The following SNAPC3 variants were observed in gnomAD, a reference collection of about 807,000 sequenced individuals.
SNAPC3 encodes the protein snRNA-activating protein complex subunit 3.
SNAPC3 carries 56 observed loss-of-function variants against 47.7 expected under a neutral mutation model. The ratio of observed to expected loss-of-function variants is 1.18; its 90% CI spans 0.95 to 1.47. SNAPC3 has a LOEUF of 1.47. Ranked by LOEUF, SNAPC3 falls within the 40% of genes most tolerant of loss-of-function variation. The probability of loss-of-function intolerance (pLI) is 0.00; values close to 1 mark genes in which losing one functional copy is unlikely to be tolerated. For missense variants in SNAPC3, 665 were observed against 511.3 expected (o/e 1.30, Z -2.90); for synonymous variants, 235 against 189.9 (o/e 1.24, Z -1.95).
downstream of SNAPC3, chr9:15,464,339 A>G (rs1057384353): frequency 1.5e-5 from 3 of 193,632 alleles, no homozygotes; most frequent in East Asian, 2.4e-4. Context: ...CCATATTCAT[A>G]TAATTTCAAA....
chr9:15,460,051 T>A lies in SNAPC3; in HGVS notation c.*185T>A, dbSNP rs1260633975. ...GTATTTAAATGTTTATAACATAGTT[T>A]AATTTTATATTTATTCCAGATAGTA... On this transcript the variant is annotated 3_prime_UTR_variant, in exon 9 of 9. Transcript: ENST00000380821. 2.3e-6 allele frequency: 1 copy of A among 431,254 alleles called. No homozygotes were observed. The highest frequency in any genetic ancestry group is 4.2e-5 in the Admixed American group (1 of 23,856). 26.7% of individuals were successfully genotyped at this position (431,254 alleles called of 1,614,324 possible). A position where few individuals can be genotyped will look rare whatever the true frequency, so the allele number is the denominator to read the frequency against.
intron 6 of SNAPC3, among the ~76,000 whole-genome samples, chr9:15,452,643 T>C (rs1252367162): frequency 2.0e-5 from 3 of 152,222 alleles, no homozygotes; most frequent in African/African-American, 7.2e-5. Flanking sequence ...CTATAAATAA[T>C]TGAAGACCCC....
At position 15,459,700 on chromosome 9, in the gene SNAPC3, CTTT is replaced by C. The variant is rs754809130; in HGVS notation, c.1089-14_1089-12del. The stretch of plus-strand genomic sequence containing the variant: ...CAAATTTGATTGTAATGATGTACTT[CTTT>C]TTTTAAAAACTACAGATGGGTGACG... On this transcript the variant is annotated splice_polypyrimidine_tract_variant and intron_variant, in intron 8 of 8. Coordinates refer to ENST00000380821, the MANE Select transcript of SNAPC3 (RefSeq NM_001039697.2). 34 of 1,607,530 alleles carry C rather than the reference CTTT, an allele frequency of 2.1e-5. No individual in the cohort carries two copies. In the African/African-American group the frequency reaches 3.8e-4, roughly 18 times the overall value.
intron 2 of SNAPC3, among the ~76,000 whole-genome samples, chr9:15,432,891 C>T (rs1168747544): frequency 1.3e-5 from 2 of 152,128 alleles, no homozygotes; most frequent in East Asian, 3.8e-4. Context: ...ACAAGATTTG[C>T]ATAGTGTCAA....
intron 5 of SNAPC3, among the ~76,000 whole-genome samples, chr9:15,449,549 ATATATATATATATATTT>A (rs1330881836): frequency 3.3e-3 from 119 of 35,930 alleles, no homozygotes; most frequent in African/African-American, 0.013. Context: ...ATATATATAT[ATATATATATATATATTT>A]TTTTTTTTTT....
intron 3 of SNAPC3, among the ~76,000 whole-genome samples, chr9:15,435,389 A>C (rs2032666291): frequency 6.6e-6 from 1 of 152,160 alleles, no homozygotes. Context: ...CCTGACCAAC[A>C]TGGCGAAACC....
chr9:15,445,241 T>C (rs752141277), intron 4 of SNAPC3, among the ~76,000 whole-genome samples: 22 of 152,246 alleles, frequency 1.4e-4, no homozygotes, highest in Admixed American at 6.5e-5. Flanking sequence ...AGGTATAGTA[T>C]TGAAATATAT....
intron 5 of SNAPC3, among the ~76,000 whole-genome samples, chr9:15,450,418 T>C (rs1013809589): frequency 6.6e-6 from 1 of 152,136 alleles, no homozygotes; most frequent in Admixed American, 6.5e-5. Flanking sequence ...CTGAAACATA[T>C]CTCCTATACA....
At position 15,426,143 on chromosome 9, in the gene SNAPC3, C is replaced by T. The variant is rs570355690; in HGVS notation, c.392+2157C>T. On this transcript the variant is annotated intron_variant, in intron 2 of 8. Transcript: ENST00000380821. ...TGTTGGGATTACAGATATGAGCCAC[C>T]GCACCTGGCCCGACCTTGCTGATTT... Among the ~76,000 whole-genome samples, 8 of 152,274 alleles carry T rather than the reference C, an allele frequency of 5.3e-5. No individual in the cohort carries two copies. The South Asian group carries it at 1.5e-3, about 28-fold the overall frequency.
intron 7 of SNAPC3, chr9:15,453,435 A>G (rs953265769): frequency 5.9e-5 from 23 of 392,708 alleles, no homozygotes; most frequent in African/African-American, 1.0e-4. Context: ...ATACTTTACT[A>G]TTAGACGGTT....
At chr9:15,436,500 C>T (rs374049558) in intron 3 of SNAPC3, among the ~76,000 whole-genome samples, 6 of 152,086 alleles carry the variant, frequency 3.9e-5, no homozygotes, top group African/African-American at 1.2e-4. Flanking sequence ...TACATTCTAT[C>T]GGTCTAGATT....
chr9:15,428,840 G>T (rs1047403514), intron 2 of SNAPC3, among the ~76,000 whole-genome samples: 1 of 152,038 alleles, frequency 6.6e-6, no homozygotes, highest in East Asian at 1.9e-4. Context: ...AGATGAATCC[G>T]AGAAAGTAGG....
downstream of SNAPC3, chr9:15,463,331 TCTC>T (rs1412710444): frequency 4.1e-5 from 6 of 146,934 alleles, no homozygotes; most frequent in Admixed American, 4.3e-4. Flanking sequence ...TTCAAGCAAT[TCTC>T]CTGCCTCAGC....
At chr9:15,465,429 G>T, downstream of SNAPC3, 1 of 1,157,822 alleles carries the variant, frequency 8.6e-7, no homozygotes, top group Non-Finnish European at 1.2e-6. Flanking sequence ...TCAAACCTAT[G>T]CTTATAAAAA....
At chr9:15,440,948 C>CTAAAAA (rs2033286423) in intron 3 of SNAPC3, among the ~76,000 whole-genome samples, 1 of 121,662 alleles carries the variant, frequency 8.2e-6, no homozygotes, top group African/African-American at 3.2e-5. Context: ...GACTCCGTCT[C>CTAAAAA]AAAAAAAAAA....
At chr9:15,426,018 C>T (rs535099831) in intron 2 of SNAPC3, among the ~76,000 whole-genome samples, 21 of 152,268 alleles carry the variant, frequency 1.4e-4, no homozygotes, top group Non-Finnish European at 2.1e-4. Context: ...TGTGCCACCA[C>T]GCTTAATTTT....
chr9:15,422,969 A>G lies in SNAPC3; in HGVS notation c.90A>G (p.Pro30=). Residue 30 remains proline, a synonymous_variant, in exon 1 of 9, where the codon CCA becomes CCG. Coordinates refer to ENST00000380821, the MANE Select transcript of SNAPC3 (RefSeq NM_001039697.2). ...CCGGCAGTGGCGGCTGCAACTTTCC[A>G]GAGTATGAGCTTCCCGAGCTAAATA... ...PVSGSGGCNF[P]EYELPELNTR... 6.5e-7 allele frequency: 1 copy of G among 1,541,354 alleles called. No individual in the cohort carries two copies. Among genetic ancestry groups the G allele is most frequent in the South Asian group, 1.2e-5 (1 of 82,556 alleles).
At chr9:15,424,902 C>G (rs959543661) in intron 2 of SNAPC3, among the ~76,000 whole-genome samples, 2 of 152,332 alleles carry the variant, frequency 1.3e-5, no homozygotes, top group Non-Finnish European at 2.9e-5. Context: ...CCCCTGGTCC[C>G]TACTGCTGAC....
intron 6 of SNAPC3, among the ~76,000 whole-genome samples, 158 bp from the exon 7 acceptor site, chr9:15,452,883 C>T (rs1250490884): frequency 6.6e-6 from 1 of 152,242 alleles, no homozygotes; most frequent in Admixed American, 6.5e-5. Context: ...TTCCTAATCT[C>T]AACATGTGTC....
Sources: gnomAD v4.1 joint callset for allele counts (sites outside exome capture counted in the v4.1 genomes callset) on GRCh38, gnomAD v4.1.1 for gene constraint, MANE v1.5 for transcripts, NCBI Gene and HGNC (gene_info 2026-07-23, HGNC 2026-07-21) for gene names.